The following NBEAL1 variants were observed in gnomAD, a reference collection of about 807,000 sequenced individuals.
NBEAL1 encodes the protein neurobeachin like 1, also known as neurobeachin-like protein 1.
NBEAL1 carries 273 observed loss-of-function variants against 351.3 expected under a neutral mutation model. The ratio of observed to expected loss-of-function variants is 0.78; its 90% CI spans 0.70 to 0.86. The LOEUF is 0.86. Among genes scored for constraint, NBEAL1 ranks in the 40% least tolerant of loss-of-function variants. NBEAL1 has a pLI of 0.00. For synonymous variants in NBEAL1, 1,050 were observed against 1,086.4 expected (o/e 0.97, Z 0.66); for missense variants, 2,961 against 3,201.3 (o/e 0.92, Z 1.81).
intron 25 of NBEAL1, among the ~76,000 whole-genome samples, chr2:203,131,280 A>C (rs181730690): frequency 4.6e-5 from 7 of 152,202 alleles, no homozygotes; most frequent in Admixed American, 1.3e-4. Context: ...CAGTGGTGTG[A>C]TCTTGGCTGA....
chr2:203,019,438 G>C (rs1469846523), intron 2 of NBEAL1, among the ~76,000 whole-genome samples: 1 of 152,146 alleles, frequency 6.6e-6, no homozygotes, highest in Admixed American at 6.5e-5. Flanking sequence ...ATGATCAATT[G>C]TTTTTCTTGA....
At chr2:203,111,934 A>T (rs2062581863) in intron 15 of NBEAL1, 45 bp from the exon 16 acceptor site, 16 of 1,528,762 alleles carry the variant, frequency 1.0e-5, no homozygotes, top group Non-Finnish European at 1.4e-5. Flanking sequence ...CATTCCAAAG[A>T]CATAATGTAA....
chr2:203,086,450 C>G (rs745586568), intron 10 of NBEAL1, among the ~76,000 whole-genome samples: 1 of 152,176 alleles, frequency 6.6e-6, no homozygotes, highest in Admixed American at 6.6e-5. Flanking sequence ...TAGTTCAGCT[C>G]TCTTGAGGAA....
At position 203,138,225 on chromosome 2, in the gene NBEAL1, A is replaced by G. The variant is rs752393731; in HGVS notation, c.4629A>G (p.Val1543=). Residue 1543 remains valine (V), a synonymous_variant, in exon 30 of 56, where the codon GTA becomes GTG. Transcript: ENST00000683969. The part of the protein sequence containing the change: ...SENREAKTNP[V]TAENAFRLVL... ...ACAGAGAAGCAAAAACTAATCCAGT[A>G]ACTGCTGAAAACGCCTTCCGACTAG... The G allele has an allele frequency of 6.2e-7, 1 of 1,614,080 alleles. No individual in the cohort carries two copies. Among genetic ancestry groups the G allele is most frequent in the Admixed American group, 1.7e-5 (1 of 60,020 alleles).
intron 12 of NBEAL1, among the ~76,000 whole-genome samples, chr2:203,101,840 C>T (rs1333053697): frequency 1.3e-5 from 2 of 152,204 alleles, no homozygotes; most frequent in African/African-American, 4.8e-5. Context: ...AAATGATCTG[C>T]CCACCTCGGC....
chr2:203,143,038 T>C (rs1416670079), intron 31 of NBEAL1, among the ~76,000 whole-genome samples: 2 of 152,220 alleles, frequency 1.3e-5, no homozygotes, highest in African/African-American at 4.8e-5. Flanking sequence ...TTGGCACAAA[T>C]ACATTCTTGA....
At chr2:203,173,960 G>A (rs1337087900) in intron 41 of NBEAL1, among the ~76,000 whole-genome samples, 1 of 151,756 alleles carries the variant, frequency 6.6e-6, no homozygotes, top group Non-Finnish European at 1.5e-5. Context: ...TTCTTATTTA[G>A]ATTTTATACA....
intron 38 of NBEAL1, among the ~76,000 whole-genome samples, 160 bp downstream of exon 38, chr2:203,167,520 G>A (rs2064172734): frequency 6.6e-6 from 1 of 152,098 alleles, no homozygotes; most frequent in African/African-American, 2.4e-5. Context: ...AATTTTTGTT[G>A]AGATTTATAT....
chr2:203,179,314 T>C (rs1234406327), intron 42 of NBEAL1, among the ~76,000 whole-genome samples: 1 of 152,104 alleles, frequency 6.6e-6, no homozygotes, highest in African/African-American at 2.4e-5. Flanking sequence ...TTTAAATAAA[T>C]AAAATTAAGC....
intron 4 of NBEAL1, chr2:203,052,255 ATT>A (rs5837836): frequency 6.8e-4 from 99 of 146,432 alleles, no homozygotes; most frequent in Admixed American, 1.1e-3. Context: ...TCAACCACTG[ATT>A]TTTTTTTTTT....
At chr2:203,084,766 A>G (rs1165821991) in intron 10 of NBEAL1, 197 bp downstream of exon 10, 2 of 389,622 alleles carry the variant, frequency 5.1e-6, no homozygotes, top group East Asian at 4.2e-5. Context: ...AAGGTAGTCA[A>G]ACTGGAATTT....
At chr2:203,157,508 C>T (rs2063827102) in intron 35 of NBEAL1, among the ~76,000 whole-genome samples, 191 bp from the exon 36 acceptor site, 1 of 151,692 alleles carries the variant, frequency 6.6e-6, no homozygotes, top group South Asian at 2.1e-4. Flanking sequence ...TTCTTTTTAC[C>T]TTATGAATAG....
intron 36 of NBEAL1, 80 bp from the exon 37 acceptor site, chr2:203,166,069 T>C (rs1481119810): frequency 2.1e-5 from 27 of 1,272,402 alleles, no homozygotes; most frequent in Non-Finnish European, 6.3e-6. Flanking sequence ...AAAGAGATTA[T>C]ATTTAAATGT....
chr2:203,222,335 T>C lies in NBEAL1; in HGVS notation c.*4981T>C, dbSNP rs1356648762. 1.3e-5 allele frequency among the ~76,000 whole-genome samples: 2 copies of C among 152,326 alleles called. No individual in the cohort carries two copies. Among genetic ancestry groups the C allele is most frequent in the East Asian group, 3.9e-4 (2 of 5,186 alleles). ...CTTCATGAATCTCTTTGCTTGATAT[T>C]CTTGGTATTAAAAAATTATGTCTGA... On this transcript the variant is annotated 3_prime_UTR_variant, in exon 56 of 56. Coordinates refer to ENST00000683969, the MANE Select transcript of NBEAL1 (RefSeq NM_001378026.1).
At chr2:203,057,279 A>C in intron 5 of NBEAL1, 47 bp from the exon 6 acceptor site, 1 of 1,491,436 alleles carries the variant, frequency 6.7e-7, no homozygotes, top group South Asian at 1.2e-5. Context: ...TTATTGTTAG[A>C]TGATAAGTAA....
intron 35 of NBEAL1, among the ~76,000 whole-genome samples, chr2:203,156,566 A>G (rs1011139081): frequency 1.3e-5 from 2 of 152,230 alleles, no homozygotes; most frequent in Admixed American, 6.5e-5. Context: ...TCATGAAAAA[A>G]CATGTTCAGT....
intron 6 of NBEAL1, among the ~76,000 whole-genome samples, chr2:203,064,172 G>A (rs1202217445): frequency 6.6e-6 from 1 of 152,044 alleles, no homozygotes; most frequent in African/African-American, 2.4e-5. Context: ...TCCTGCCTCA[G>A]CCTCCCAAGT....
At chr2:203,021,009 C>T (rs1255534796) in intron 2 of NBEAL1, among the ~76,000 whole-genome samples, 1 of 152,168 alleles carries the variant, frequency 6.6e-6, no homozygotes, top group Non-Finnish European at 1.5e-5. Context: ...CAACCTCCAA[C>T]CTTCTGGGTG....
At position 203,151,523 on chromosome 2, in the gene NBEAL1, C is replaced by T; in HGVS notation, c.5521C>T (p.Leu1841Phe). 1.2e-6 allele frequency: 2 copies of T among 1,610,720 alleles called. No homozygotes were observed. Among genetic ancestry groups the T allele is most frequent in the Non-Finnish European group, 1.7e-6 (2 of 1,178,336 alleles). Residue 1841 changes from leucine to phenylalanine, a missense_variant, in exon 35 of 56, where the codon CTT (leucine) becomes TTT (phenylalanine). By Grantham distance (22) the Leu-to-Phe change is conservative. Coordinates refer to ENST00000683969, the MANE Select transcript of NBEAL1 (RefSeq NM_001378026.1). ...ANVENYSRMR[L>F]KLVPNYNFKT... is the part of the protein sequence containing the mutation. The stretch of plus-strand genomic sequence containing the variant: ...TGTAGAGAATTATTCCCGCATGAGA[C>T]TTAAGCTGGTACCGAATTATAATTT...
Sources: gnomAD v4.1 joint callset for allele counts (sites outside exome capture counted in the v4.1 genomes callset) on GRCh38, gnomAD v4.1.1 for gene constraint, MANE v1.5 for transcripts, NCBI Gene and HGNC (gene_info 2026-07-23, HGNC 2026-07-21) for gene names.